Variants in TNNT2 observed in about 807,000 individuals in gnomAD.
TNNT2 encodes the protein troponin T2, cardiac type.
TNNT2 carries 34 observed loss-of-function variants against 62.4 expected under a neutral mutation model. The observed-to-expected ratio is 0.54, with a 90% CI of 0.41 to 0.72. The LOEUF (loss-of-function observed/expected upper bound fraction) is 0.72, where lower values mean the gene tolerates loss of function less well. Ranked by LOEUF, TNNT2 falls within the 30% of genes least tolerant of loss-of-function variation. TNNT2 has a pLI of 0.00. For synonymous variants in TNNT2, 123 were observed against 127.2 expected (o/e 0.97, Z 0.22); for missense variants, 275 against 381.9 (o/e 0.72, Z 2.33).
Position 201,359,094 on chromosome 1 carries a change from T to A in TNNT2, c.*116A>T, listed in dbSNP as rs1658099664. The A allele has an allele frequency of 1.2e-5, 17 of 1,370,864 alleles. No homozygotes were observed. The South Asian group carries it at 1.7e-4, about 14-fold the overall frequency. The allele number at this position is 1,370,864 out of a possible 1,614,324, so 84.9% of individuals were successfully genotyped here. A position where few individuals can be genotyped will look rare whatever the true frequency, so the allele number is the denominator to read the frequency against. On this transcript the variant is annotated 3_prime_UTR_variant, in exon 17 of 17. Transcript: ENST00000656932. ...AGTGGTGGCTCCCACCTAGGCCAGC[T>A]CCCCATTTCCAAACAGGAGCTGCCT...
At position 201,361,936 on chromosome 1, in the gene TNNT2, G is replaced by A. The variant is rs2102234025; in HGVS notation, c.696C>T (p.Asp232=). The change falls in exon 14 of 17, where the codon GAC becomes GAT. Residue 232 remains aspartate (D), a synonymous_variant. Coordinates refer to ENST00000656932, the MANE Select transcript of TNNT2 (RefSeq NM_001276345.2). Reference sequence around the variant, plus strand: ...ACCTCAGCTGATCTTCATTCAGGTGGTCAATGGCCAGCACCTTCCTCCTCT... The same window carrying A: ...ACCTCAGCTGATCTTCATTCAGGTGATCAATGGCCAGCACCTTCCTCCTCT... ...LAERRKVLAI[D]HLNEDQLREK... is the part of the protein sequence containing the mutation. The A allele has an allele frequency of 6.2e-7, 1 of 1,614,202 alleles. No homozygotes were observed. Among genetic ancestry groups the A allele is most frequent in the South Asian group, 1.1e-5 (1 of 91,082 alleles).
At chr1:201,363,457 C>A (rs752091462) in intron 11 of TNNT2, 51 bp from the exon 12 acceptor site, 9 of 1,558,328 alleles carry the variant, frequency 5.8e-6, no homozygotes, top group Non-Finnish European at 6.2e-6. Flanking sequence ...GGATTGGAAA[C>A]CCTGATTCTG....
intron 7 of TNNT2, chr1:201,367,512 T>C: frequency 1.7e-6 from 1 of 593,418 alleles, no homozygotes; most frequent in South Asian, 2.1e-5. Context: ...TGGGTCCCAT[T>C]GCTCTGTCCA....
chr1:201,360,276 A>G (rs1053605494), intron 15 of TNNT2, among the ~76,000 whole-genome samples: 2 of 152,200 alleles, frequency 1.3e-5, no homozygotes, highest in African/African-American at 4.8e-5. Context: ...ATATGAACCC[A>G]TAGGGCTGCT....
chr1:201,361,673 G>A (rs1658671765), intron 14 of TNNT2, among the ~76,000 whole-genome samples: 1 of 152,272 alleles, frequency 6.6e-6, no homozygotes, highest in African/African-American at 2.4e-5. Flanking sequence ...CCGTGTGCAG[G>A]TGGGTAGGTG....
intron 5 of TNNT2, among the ~76,000 whole-genome samples, chr1:201,368,744 G>A (rs1660129326): frequency 6.6e-6 from 1 of 152,216 alleles, no homozygotes; most frequent in Non-Finnish European, 1.5e-5. Flanking sequence ...CAGGCACTTG[G>A]TGTAGACAGA....
chr1:201,362,200 G>A lies in TNNT2; in HGVS notation c.610-178C>T, dbSNP rs1375203388. 3.3e-6 allele frequency: 4 copies of A among 1,229,124 alleles called. No individual in the cohort carries two copies. In the African/African-American group the frequency reaches 4.5e-5, roughly 14 times the overall value. 76.1% of individuals were successfully genotyped at this position (1,229,124 alleles called of 1,614,324 possible). On this transcript the variant is annotated intron_variant, in intron 13 of 16. Coordinates refer to ENST00000656932, the MANE Select transcript of TNNT2 (RefSeq NM_001276345.2). ...GTATTCCCTAGGGAAACTGAGGTAG[G>A]GGCAAGAAGGATCACGTCAGTCTCT...
chr1:201,363,676 G>A (rs1659123168), intron 11 of TNNT2: 1 of 477,640 alleles, frequency 2.1e-6, no homozygotes, highest in Admixed American at 3.3e-5. Context: ...CTGTTGCTCT[G>A]GAAATGCCTT....
chr1:201,363,484 CT>C (rs2102246561), intron 11 of TNNT2, 78 bp from the exon 12 acceptor site: 1 of 1,371,876 alleles, frequency 7.3e-7, no homozygotes, highest in South Asian at 1.2e-5. Context: ...AGCTTGTGGT[CT>C]TTATGGGTGA....
intron 14 of TNNT2, 118 bp downstream of exon 14, chr1:201,361,795 G>C: frequency 2.0e-6 from 2 of 1,003,644 alleles, no homozygotes; most frequent in Non-Finnish European, 3.2e-6. Flanking sequence ...AACTTGCCAT[G>C]GGAAAATATG....
chr1:201,375,372 G>A (rs968751631), intron 1 of TNNT2: 3 of 152,262 alleles, frequency 2.0e-5, no homozygotes, highest in African/African-American at 2.4e-5. Flanking sequence ...TGCTCCCTCT[G>A]CTGGAGCAGG....
rs751573686 is a variant in TNNT2, at chr1:201,369,836, T to G, written c.77A>C (p.Asp26Ala). 2 of 1,614,112 alleles carry G rather than the reference T, an allele frequency of 1.2e-6. No homozygotes were observed. The highest frequency in any genetic ancestry group is 2.7e-5 in the African/African-American group (2 of 75,018). ...QEEAAVEEEE[D>A]WREDEDEQEE... ...ACTACCGTCTTCGTCCTCTCTCCAG[T>G]CCTCCTCTTCTGAGGTTCAGGGAGT... Residue 26 changes from aspartate (D) to alanine (A), a missense_variant, in exon 5 of 17, where the codon GAC becomes GCC. Coordinates refer to ENST00000656932, the MANE Select transcript of TNNT2 (RefSeq NM_001276345.2).
At chr1:201,368,259 C>A (rs1489995610) in intron 5 of TNNT2, 32 bp from the exon 6 acceptor site, 2 of 1,610,876 alleles carry the variant, frequency 1.2e-6, no homozygotes, top group African/African-American at 2.7e-5. Flanking sequence ...AGTGAAGAAG[C>A]AGGCCCCACT....
At chr1:201,365,556 G>A in intron 9 of TNNT2, 54 bp downstream of exon 9, 1 of 1,577,878 alleles carries the variant, frequency 6.3e-7, no homozygotes, top group South Asian at 1.1e-5. Context: ...TGTCACTGAG[G>A]GCCCTTGGGA....
chr1:201,367,215 G>C, intron 7 of TNNT2: 1 of 446,896 alleles, frequency 2.2e-6, no homozygotes, highest in Non-Finnish European at 4.1e-6. Context: ...AAGGGTCCTG[G>C]CCCTAGAATC....
At chr1:201,372,383 C>T (rs767133000) in intron 2 of TNNT2, among the ~76,000 whole-genome samples, 5 of 152,194 alleles carry the variant, frequency 3.3e-5, no homozygotes, top group Non-Finnish European at 7.3e-5. Flanking sequence ...CAAGCCTCCG[C>T]CCCAGCCAGC....
chr1:201,367,046 G>A (rs972158733), intron 7 of TNNT2, 175 bp from the exon 8 acceptor site: 1 of 988,212 alleles, frequency 1.0e-6, no homozygotes, highest in African/African-American at 1.6e-5. Context: ...AGGCAGCGGG[G>A]GCTGCAGATG....
intron 4 of TNNT2, among the ~76,000 whole-genome samples, chr1:201,371,487 G>C (rs1353074190): frequency 6.6e-6 from 1 of 152,186 alleles, no homozygotes; most frequent in African/African-American, 2.4e-5. Context: ...GGAATCTTTT[G>C]GGGCATATCA....
At chr1:201,370,689 C>G (rs536182747) in intron 4 of TNNT2, among the ~76,000 whole-genome samples, 2 of 152,202 alleles carry the variant, frequency 1.3e-5, no homozygotes, top group East Asian at 3.9e-4. Context: ...AGATGCTACA[C>G]GGCTCAGGCC....
Sources: allele counts gnomAD v4.1 joint callset (sites outside exome capture counted in the v4.1 genomes callset), GRCh38; gene constraint gnomAD v4.1.1; transcripts MANE v1.5; gene names NCBI Gene and HGNC (gene_info 2026-07-23, HGNC 2026-07-21).